Variants in BOD1L1 observed in about 807,000 individuals in gnomAD.
The protein encoded by BOD1L1 is biorientation of chromosomes in cell division protein 1-like 1.
In BOD1L1, 86 loss-of-function variants were observed where a neutral mutation model predicts 240.7. That is an observed-to-expected ratio of 0.36 (90% CI 0.30 to 0.43). BOD1L1 has a LOEUF of 0.43. Ranked by LOEUF, BOD1L1 falls within the 20% of genes least tolerant of loss-of-function variation. BOD1L1 has a pLI of 1.00. For synonymous variants in BOD1L1, 1,268 were observed against 1,272.3 expected (o/e 1.00, Z 0.07); for missense variants, 3,554 against 3,643.5 (o/e 0.98, Z 0.63).
chr4:13,594,894 C>CAAACA (rs1322479603), intron 12 of BOD1L1, among the ~76,000 whole-genome samples: 3 of 152,078 alleles, frequency 2.0e-5, no homozygotes, highest in Non-Finnish European at 4.4e-5. Context: ...GACTCCATCT[C>CAAACA]AAACAAAACA....
intron 25 of BOD1L1, among the ~76,000 whole-genome samples, chr4:13,574,913 GTTTTTTTTTGTT>G (rs1712562747): frequency 2.6e-5 from 1 of 38,190 alleles, no homozygotes; most frequent in Admixed American, 4.5e-4. Flanking sequence ...TTAAGTTTTT[GTTTTTTTTTGTT>G]TTTTTTTTTT....
In BOD1L1 at chr4:13,611,052, G is replaced by C. The variant is rs770827390; in HGVS notation, c.1373C>G (p.Ser458Cys). 1 of 1,611,206 alleles carries C rather than the reference G, an allele frequency of 6.2e-7. No homozygotes were observed. ...QNKTKTQTSD[S>C]SEGKTKSVRH... The stretch of plus-strand genomic sequence containing the variant: ...TACACTTTTTGTTTTTCCTTCACTA[G>C]AATCACTAGTTTGAGTTTTTGTTTT... Residue 458 changes from serine to cysteine, a missense_variant, in exon 6 of 26, where the codon TCT (serine) becomes TGT (cysteine). By Grantham distance (112) the Ser-to-Cys change is moderately radical. Coordinates refer to ENST00000040738, the MANE Select transcript of BOD1L1 (RefSeq NM_148894.3).
intron 11 of BOD1L1, among the ~76,000 whole-genome samples, 152 bp downstream of exon 11, chr4:13,596,952 T>C (rs1389654421): frequency 6.6e-6 from 1 of 152,214 alleles, no homozygotes; most frequent in African/African-American, 2.4e-5. Flanking sequence ...GGTTCTTAGC[T>C]TTCCCCCCAC....
intron 12 of BOD1L1, 92 bp from the exon 13 acceptor site, chr4:13,592,058 T>C: frequency 2.2e-6 from 2 of 908,242 alleles, no homozygotes; most frequent in Non-Finnish European, 3.3e-6. Flanking sequence ...ATAGGGAACC[T>C]ATCCTATGTC....
At chr4:13,578,094 C>T (rs180879422) in intron 22 of BOD1L1, 68 of 155,750 alleles carry the variant, frequency 4.4e-4, no homozygotes, top group Non-Finnish European at 6.9e-4. Context: ...TTAGTAGAGA[C>T]GGGGTTTCAC....
intron 11 of BOD1L1, 102 bp downstream of exon 11, chr4:13,597,002 T>C: frequency 6.6e-6 from 6 of 909,110 alleles, no homozygotes; most frequent in Non-Finnish European, 1.0e-5. Context: ...ATAAGTACAA[T>C]GAGAACAGGA....
chr4:13,604,050 A>T lies in BOD1L1; in HGVS notation c.2850T>A (p.Asn950Lys), dbSNP rs1715457823. 4 of 1,613,612 alleles carry T rather than the reference A, an allele frequency of 2.5e-6. No individual in the cohort carries two copies. Residue 950 changes from asparagine to lysine, a missense_variant, in exon 10 of 26, where the codon AAT becomes AAA. Transcript: ENST00000040738. ...TAGACTTACGCTGTTTTTCTGAGTCATTTTCTTCTGTGTTCTTCTCCTTGT... is the reference window on the plus strand; with the variant it reads ...TAGACTTACGCTGTTTTTCTGAGTCTTTTTCTTCTGTGTTCTTCTCCTTGT... ...KPDKEKNTEE[N>K]DSEKQRKSKV... is the part of the protein sequence containing the mutation.
chr4:13,595,952 A>C lies in BOD1L1; in HGVS notation c.8020-8T>G, dbSNP rs1714588842. 1 of 1,611,948 alleles carries C rather than the reference A, an allele frequency of 6.2e-7. No individual in the cohort carries two copies. The highest frequency in any genetic ancestry group is 1.3e-5 in the African/African-American group (1 of 74,940). ...CTCTGAAGGCACATAAGCCTAAAAA[A>C]TCCAAAGCACCATAAAAATAAGTTA... On this transcript the variant is annotated splice_polypyrimidine_tract_variant and splice_region_variant and intron_variant, in intron 11 of 25. Transcript: ENST00000040738.
At position 13,614,509 on chromosome 4, in the gene BOD1L1, G is replaced by A. The variant is rs147318920; in HGVS notation, c.861C>T (p.Val287=). Reference sequence around the variant, plus strand: ...CTTTTGTGTAATTTTTAATTTCTTCGACTGGACAGGGGAGGTCGCTGAACT... The same window carrying A: ...CTTTTGTGTAATTTTTAATTTCTTCAACTGGACAGGGGAGGTCGCTGAACT... ...SEEFSDLPCP[V]EEIKNYTKEH... Residue 287 remains valine, a synonymous_variant, in exon 4 of 26, where the codon GTC becomes GTT. Transcript: ENST00000040738. The A allele has an allele frequency of 1.7e-4, 278 of 1,613,638 alleles. 3 individuals carry two copies. The highest frequency in any genetic ancestry group is 1.2e-3 in the Middle Eastern group (7 of 6,062).
At chr4:13,593,295 G>A (rs1714364214) in intron 12 of BOD1L1, 1 of 152,032 alleles carries the variant, frequency 6.6e-6, no homozygotes, top group African/African-American at 2.4e-5. Context: ...CATTATGAAA[G>A]TTCGTTGCAG....
At position 13,600,989 on chromosome 4, in the gene BOD1L1, C is replaced by A. The variant is rs1469788675; in HGVS notation, c.5911G>T (p.Val1971Phe). ...ATAGGACCCTCACAACCTCCTGGAA[C>A]TGGTGTCACTTCATCCTTTCCTGAG... Reference protein sequence around the residue: ...AVSGKDEVTPVPGGCEGPMTS... With the variant: ...AVSGKDEVTPFPGGCEGPMTS... The change falls in exon 10 of 26, where the codon GTT (valine) becomes TTT (phenylalanine). Residue 1971 changes from valine to phenylalanine, a missense_variant. By Grantham distance (50) the Val-to-Phe change is conservative. This residue lies in a region of BOD1L1 where 3,393 missense variants were observed against 3,427.1 expected (regional missense o/e 0.99). Transcript: ENST00000040738. 1 of 1,614,036 alleles carries A rather than the reference C, an allele frequency of 6.2e-7. No individual in the cohort carries two copies. The highest frequency in any genetic ancestry group is 1.1e-5 in the South Asian group (1 of 91,086).
rs553385608 is a variant in BOD1L1, at chr4:13,595,757, G to A, written c.8104+103C>T. On this transcript the variant is annotated intron_variant, in intron 12 of 25. Coordinates refer to ENST00000040738, the MANE Select transcript of BOD1L1 (RefSeq NM_148894.3). ...TTAAAAAGTGAGAGGCAAGTTAATA[G>A]AGCCTGTATGTTACTATGCATCAGC... The A allele has an allele frequency of 5.3e-5, 42 of 785,746 alleles. No individual in the cohort carries two copies. In the Admixed American group the frequency reaches 7.1e-4, roughly 13 times the overall value. The allele number at this position is 785,746 out of a possible 1,614,324, so 48.7% of individuals were successfully genotyped here. A position where few individuals can be genotyped will look rare whatever the true frequency, so the allele number is the denominator to read the frequency against.
intron 1 of BOD1L1, chr4:13,625,137 T>TA (rs1407307197): frequency 6.6e-6 from 1 of 152,244 alleles, no homozygotes; most frequent in Admixed American, 6.5e-5. Flanking sequence ...ACCTTGTTCA[T>TA]ATAAACAAGT....
intron 22 of BOD1L1, chr4:13,578,024 C>T: frequency 6.1e-6 from 1 of 163,960 alleles, no homozygotes; most frequent in Non-Finnish European, 1.3e-5. Flanking sequence ...CTGCCTCAGC[C>T]TCCTTGAGTA....
chr4:13,610,880 T>C, intron 6 of BOD1L1, 54 bp downstream of exon 6: 1 of 1,457,866 alleles, frequency 6.9e-7, no homozygotes. Flanking sequence ...ATAGACTATT[T>C]AAGTTTGTTA....
At position 13,602,488 on chromosome 4, in the gene BOD1L1, A is replaced by G. The variant is rs1162594676; in HGVS notation, c.4412T>C (p.Ile1471Thr). 1.9e-6 allele frequency: 3 copies of G among 1,613,788 alleles called. No homozygotes were observed. The South Asian group carries it at 3.3e-5, about 18-fold the overall frequency. ...GTTTTCATTCCTTCTTTCAACATCA[A>G]TTGATATGTCTTTTACTTTACCTGG... Reference protein sequence around the residue: ...RSPGKVKDISIDVERRNENSE... With the variant: ...RSPGKVKDISTDVERRNENSE... The change falls in exon 10 of 26, where the codon ATT (isoleucine) becomes ACT (threonine). Residue 1471 changes from isoleucine (I) to threonine (T), a missense_variant. Ile to Thr is a moderately conservative substitution (Grantham distance 89). Around this residue, in one of 2 missense-constraint regions of BOD1L1, gnomAD observed 3,393 missense variants for 3,427.1 expected, o/e 0.99. Transcript: ENST00000040738.
At chr4:13,586,322 T>TAA (rs1035541553) in intron 17 of BOD1L1, 74 bp downstream of exon 17, 1 of 747,298 alleles carries the variant, frequency 1.3e-6, no homozygotes, top group African/African-American at 1.8e-5. Flanking sequence ...AATATTATAC[T>TAA]AAGTATTTAC....
chr4:13,575,502 T>C (rs1712637193), intron 25 of BOD1L1, among the ~76,000 whole-genome samples: 1 of 152,056 alleles, frequency 6.6e-6, no homozygotes, highest in Non-Finnish European at 1.5e-5. Flanking sequence ...CATCTCAGCC[T>C]CCCAAGTAGC....
chr4:13,585,266 A>G (rs1713578672), intron 17 of BOD1L1, among the ~76,000 whole-genome samples: 1 of 152,146 alleles, frequency 6.6e-6, no homozygotes, highest in Non-Finnish European at 1.5e-5. Flanking sequence ...GTTACTGGGG[A>G]AAAAAAGAGA....
Sources: gnomAD v4.1 joint callset for allele counts (sites outside exome capture counted in the v4.1 genomes callset) on GRCh38, gnomAD v4.1.1 for gene constraint, gnomAD v4.1.1 regional missense constraint, MANE v1.5 for transcripts, NCBI Gene and HGNC (gene_info 2026-07-23, HGNC 2026-07-21) for gene names.